The following KCND3 variants were observed in gnomAD, a reference collection of about 807,000 sequenced individuals.
KCND3 encodes A-type voltage-gated potassium channel KCND3.
In KCND3, 9 loss-of-function variants were observed where a neutral mutation model predicts 51.1. That is an observed-to-expected ratio of 0.18 (90% CI 0.11 to 0.31). The LOEUF is 0.31. Ranked by LOEUF, KCND3 falls within the 10% of genes least tolerant of loss-of-function variation. The pLI is 1.00. For synonymous variants in KCND3, 349 were observed against 368.0 expected (o/e 0.95, Z 0.59); for missense variants, 526 against 903.8 (o/e 0.58, Z 5.36).
At position 111,780,917 on chromosome 1, in the gene KCND3, C is replaced by A; in HGVS notation, c.1270-126G>T. On this transcript the variant is annotated intron_variant, in intron 3 of 7. Coordinates refer to ENST00000302127, the MANE Select transcript of KCND3 (RefSeq NM_001378969.1). The surrounding 1 kb of genome is among the most constrained non-coding windows in gnomAD (Gnocchi z 4.2). Reference sequence around the variant, plus strand: ...TGAAGGGGATGAGGCTGTTTCTCTCCAACCTCATGCATCTCCAGTTGTGTA... The same window carrying A: ...TGAAGGGGATGAGGCTGTTTCTCTCAAACCTCATGCATCTCCAGTTGTGTA... The A allele has an allele frequency of 2.6e-6, 2 of 762,632 alleles. No individual in the cohort carries two copies. The highest frequency in any genetic ancestry group is 4.5e-6 in the Non-Finnish European group (2 of 440,690). 47.2% of individuals were successfully genotyped at this position (762,632 alleles called of 1,614,324 possible).
chr1:111,815,059 G>A (rs1471241586), intron 2 of KCND3, among the ~76,000 whole-genome samples: 2 of 152,298 alleles, frequency 1.3e-5, no homozygotes, highest in South Asian at 2.1e-4. Context: ...AGGAACAACC[G>A]GCTCTCTCTC....
chr1:111,831,934 C>T (rs1375601804), intron 2 of KCND3, among the ~76,000 whole-genome samples: 2 of 152,210 alleles, frequency 1.3e-5, no homozygotes, highest in Non-Finnish European at 1.5e-5. Context: ...GATTAGAATG[C>T]CTCCTTCTTT....
chr1:111,862,355 T>C (rs954842037), intron 2 of KCND3, among the ~76,000 whole-genome samples: 3 of 152,360 alleles, frequency 2.0e-5, no homozygotes, highest in East Asian at 1.9e-4. Flanking sequence ...CATGTTTCAA[T>C]AGAACTTTAC....
intron 2 of KCND3, among the ~76,000 whole-genome samples, chr1:111,799,375 C>G (rs1665192260): frequency 6.6e-6 from 1 of 152,190 alleles, no homozygotes; most frequent in Admixed American, 6.5e-5. Context: ...AGCAACAGAA[C>G]ACTATCAGGA....
At chr1:111,824,843 C>T (rs1262460307) in intron 2 of KCND3, among the ~76,000 whole-genome samples, 1 of 152,118 alleles carries the variant, frequency 6.6e-6, no homozygotes, top group Non-Finnish European at 1.5e-5. Flanking sequence ...TTCTTTCCTG[C>T]TGTTATATAT....
At chr1:111,866,960 C>T (rs1219196433) in intron 2 of KCND3, among the ~76,000 whole-genome samples, 1 of 152,120 alleles carries the variant, frequency 6.6e-6, no homozygotes, top group Admixed American at 6.5e-5. Flanking sequence ...TTTAAATGCA[C>T]ATCATGAAAA....
intron 2 of KCND3, among the ~76,000 whole-genome samples, chr1:111,850,005 CAGAGG>C (rs1667735488): frequency 6.6e-6 from 1 of 152,150 alleles, no homozygotes; most frequent in Non-Finnish European, 1.5e-5. Context: ...TTTCTGAGAG[CAGAGG>C]AGAGAGCCTA....
intron 2 of KCND3, among the ~76,000 whole-genome samples, chr1:111,847,344 G>A (rs925919776): frequency 8.5e-5 from 13 of 152,144 alleles, no homozygotes; most frequent in Non-Finnish European, 1.8e-4. Flanking sequence ...AAGCGTGTGA[G>A]TGTGTGTGAG....
chr1:111,849,709 C>T (rs1237408667), intron 2 of KCND3, among the ~76,000 whole-genome samples: 1 of 152,196 alleles, frequency 6.6e-6, no homozygotes, highest in African/African-American at 2.4e-5. Flanking sequence ...AGCACCTTTT[C>T]TAATTTGCAC....
chr1:111,917,257 C>G (rs537119195), intron 2 of KCND3, among the ~76,000 whole-genome samples: 6 of 152,056 alleles, frequency 3.9e-5, no homozygotes, highest in African/African-American at 1.4e-4. Flanking sequence ...CTAGCTGGTA[C>G]AATAAGGCAA....
intron 2 of KCND3, among the ~76,000 whole-genome samples, chr1:111,826,182 T>G (rs1482987536): frequency 6.6e-6 from 1 of 152,224 alleles, no homozygotes; most frequent in East Asian, 1.9e-4. Flanking sequence ...TCATTACTGA[T>G]TTGCACGAGC....
rs142506975 is a variant in KCND3 at position 111,780,310 on chromosome 1, G to T, written c.1376C>A (p.Thr459Asn). The T allele has an allele frequency of 2.6e-6, 4 of 1,565,696 alleles. No homozygotes were observed. The African/African-American group carries it at 5.4e-5, about 21-fold the overall frequency. ...LLNEALELTG[T>N]PEEEHMGKTT... The stretch of plus-strand genomic sequence containing the variant: ...CTTGCCCATGTGCTCCTCTTCTGGG[G>T]TGCCCTAGTAAAAAAAGAAGAGAGA... The change falls in exon 5 of 8, where the codon ACC becomes AAC. Residue 459 changes from threonine to asparagine, a missense_variant. By Grantham distance (65) the Thr-to-Asn change is moderately conservative. Around this residue, in one of 5 missense-constraint regions of KCND3, gnomAD observed 266 missense variants for 305.5 expected, o/e 0.87. Transcript: ENST00000302127. This position sits in a 1 kb window ranked among gnomAD's most constrained non-coding sequence, Gnocchi z 4.2.
At chr1:111,913,762 G>C (rs1013926097) in intron 2 of KCND3, among the ~76,000 whole-genome samples, 1 of 152,130 alleles carries the variant, frequency 6.6e-6, no homozygotes, top group Admixed American at 6.5e-5. Context: ...TGGGTGTAGT[G>C]GTGTGTACCT....
At chr1:111,882,395 A>G (rs1669374455) in intron 2 of KCND3, among the ~76,000 whole-genome samples, 1 of 152,164 alleles carries the variant, frequency 6.6e-6, no homozygotes, top group Non-Finnish European at 1.5e-5. Flanking sequence ...GGTGTTAGAG[A>G]AAGATGACCT....
In KCND3 at chr1:111,982,869, G is replaced by T; in HGVS notation, c.-72-71C>A. ...CTGGCAGGTAAGAAATGGGACACAG[G>T]AAAGGATCACTGGTGAGTGAAACGG... On this transcript the variant is annotated intron_variant, in intron 1 of 7. Coordinates refer to ENST00000302127, the MANE Select transcript of KCND3 (RefSeq NM_001378969.1). The surrounding 1 kb of genome is among the most constrained non-coding windows in gnomAD (Gnocchi z 8.5). 8.3e-7 allele frequency: 1 copy of T among 1,198,644 alleles called. No individual in the cohort carries two copies. The allele number at this position is 1,198,644 out of a possible 1,614,324, so 74.3% of individuals were successfully genotyped here.
In KCND3 at chr1:111,838,447, G is replaced by A. The variant is rs556941033; in HGVS notation, c.1107-51341C>T. Among the ~76,000 whole-genome samples the A allele has an allele frequency of 1.5e-3, 226 of 152,290 alleles. 2 individuals carry two copies. The highest frequency in any genetic ancestry group is 5.3e-3 in the African/African-American group (220 of 41,546). ...CCAAGGCGGGCGGATCACGAGGTCA[G>A]GAGTTCGAGACCAGCCTGGCCGACA... On this transcript the variant is annotated intron_variant, in intron 2 of 7. Coordinates refer to ENST00000302127, the MANE Select transcript of KCND3 (RefSeq NM_001378969.1).
intron 2 of KCND3, among the ~76,000 whole-genome samples, chr1:111,912,322 T>G (rs1027308177): frequency 6.6e-6 from 1 of 152,242 alleles, no homozygotes; most frequent in African/African-American, 2.4e-5. Flanking sequence ...ATCTTAACAC[T>G]GTAGTGCAAT....
intron 2 of KCND3, among the ~76,000 whole-genome samples, chr1:111,812,598 C>A (rs545355458): frequency 6.6e-6 from 1 of 152,182 alleles, no homozygotes; most frequent in East Asian, 1.9e-4. Flanking sequence ...TTAATCTGTA[C>A]GAGGGCCCAA....
At position 111,964,373 on chromosome 1, in the gene KCND3, G is replaced by C. The variant is rs56282339; in HGVS notation, c.1106+17248C>G. On this transcript the variant is annotated intron_variant, in intron 2 of 7. Transcript: ENST00000302127. ...CCCAACCTGCGGGCTGCAGTACACA[G>C]GTGGGTGAGAAGGAGTTACAGGCAT... is the stretch of plus-strand genomic sequence containing the variant. Among the ~76,000 whole-genome samples the C allele has an allele frequency of 8.2e-3, 1,253 of 152,308 alleles. 17 individuals are homozygous for C. The highest frequency in any genetic ancestry group is 0.028 in the African/African-American group (1,174 of 41,552).
Sources: allele counts gnomAD v4.1 joint callset (sites outside exome capture counted in the v4.1 genomes callset), GRCh38; gene constraint gnomAD v4.1.1; regional missense constraint gnomAD v4.1.1; non-coding constraint Gnocchi (gnomAD v3.1); transcripts MANE v1.5; gene names NCBI Gene and HGNC (gene_info 2026-07-23, HGNC 2026-07-21).